Variants in ITFG1 observed in about 807,000 individuals in gnomAD.
The protein encoded by ITFG1 is T-cell immunomodulatory protein.
ITFG1 carries 34 observed loss-of-function variants against 81.8 expected under a neutral mutation model. The observed-to-expected ratio is 0.42, with a 90% confidence interval of 0.32 to 0.55. The LOEUF (loss-of-function observed/expected upper bound fraction) is 0.55, where lower values mean the gene tolerates loss of function less well. ITFG1 is among the 20% of genes least tolerant of loss of function. The pLI is 0.17. For missense variants in ITFG1, 672 were observed against 755.4 expected (o/e 0.89, Z 1.29); for synonymous variants, 285 against 270.6 (o/e 1.05, Z -0.52).
At chr16:47,184,881 C>A (rs971218602) in intron 14 of ITFG1, among the ~76,000 whole-genome samples, 6 of 151,978 alleles carry the variant, frequency 3.9e-5, no homozygotes, top group African/African-American at 1.5e-4. Flanking sequence ...ATTCAGAAAA[C>A]CCATCTCACG....
At chr16:47,319,915 C>T (rs1967422823) in intron 8 of ITFG1, among the ~76,000 whole-genome samples, 4 of 152,148 alleles carry the variant, frequency 2.6e-5, no homozygotes, top group Admixed American at 1.3e-4. Context: ...CTCCAGAGGC[C>T]CAAATATATA....
At chr16:47,367,715 T>C (rs1968195314) in intron 7 of ITFG1, among the ~76,000 whole-genome samples, 1 of 152,222 alleles carries the variant, frequency 6.6e-6, no homozygotes, top group African/African-American at 2.4e-5. Flanking sequence ...ACAAGCAATG[T>C]TCCAACCACT....
intron 14 of ITFG1, among the ~76,000 whole-genome samples, chr16:47,183,212 C>A: frequency 6.6e-6 from 1 of 152,196 alleles, no homozygotes; most frequent in East Asian, 1.9e-4. Context: ...GAGGGGTGCC[C>A]ACCATTGCCC....
Position 47,349,375 on chromosome 16 carries a change from C to A in ITFG1, c.802+16413G>T, listed in dbSNP as rs9941104. Among the ~76,000 whole-genome samples the A allele has an allele frequency of 4.3e-3, 656 of 152,072 alleles. 6 individuals are homozygous for A. The highest frequency in any genetic ancestry group is 0.015 in the African/African-American group (616 of 41,502). On this transcript the variant is annotated intron_variant, in intron 8 of 17. Transcript: ENST00000320640. ...AAGGGATGGAGGAAGATCTACCAAG[C>A]AAATGGAAAACAAAAAAAGGCAGGG...
intron 13 of ITFG1, among the ~76,000 whole-genome samples, chr16:47,224,150 A>G (rs573590362): frequency 6.6e-6 from 1 of 152,186 alleles, no homozygotes; most frequent in Non-Finnish European, 1.5e-5. Flanking sequence ...CCAGCATGGC[A>G]CATGTATACA....
intron 8 of ITFG1, among the ~76,000 whole-genome samples, chr16:47,321,775 T>C (rs1161939054): frequency 6.6e-6 from 1 of 152,184 alleles, no homozygotes; most frequent in African/African-American, 2.4e-5. Context: ...CTAGATACTT[T>C]TAGAAAATAA....
chr16:47,266,110 A>G (rs1219527557), intron 10 of ITFG1, among the ~76,000 whole-genome samples: 1 of 152,242 alleles, frequency 6.6e-6, no homozygotes, highest in Non-Finnish European at 1.5e-5. Context: ...AACAGCCAAT[A>G]TGCACATGAA....
In ITFG1 at chr16:47,206,843, C is replaced by G. The variant is rs185876968; in HGVS notation, c.1453+12025G>C. On this transcript the variant is annotated intron_variant, in intron 14 of 17. Coordinates refer to ENST00000320640, the MANE Select transcript of ITFG1 (RefSeq NM_030790.5). ...CTGGCATCTTGTGCCTGAATGCTTC[C>G]TATACTTCACCTGACTGACATCCCA... Among the ~76,000 whole-genome samples, 12 of 152,304 alleles carry G rather than the reference C, an allele frequency of 7.9e-5. No individual in the cohort carries two copies. The East Asian group carries it at 2.3e-3, about 29-fold the overall frequency.
intron 14 of ITFG1, among the ~76,000 whole-genome samples, chr16:47,190,088 A>T (rs900508371): frequency 6.6e-6 from 1 of 152,180 alleles, no homozygotes; most frequent in African/African-American, 2.4e-5. Flanking sequence ...TGTTGTAAAA[A>T]TGAGCTAAAT....
At chr16:47,239,672 T>C (rs1965912334) in intron 12 of ITFG1, among the ~76,000 whole-genome samples, 1 of 152,214 alleles carries the variant, frequency 6.6e-6, no homozygotes, top group Non-Finnish European at 1.5e-5. Context: ...ATAAATATTT[T>C]ACACTTGCAA....
Position 47,216,200 on chromosome 16 carries a change from C to A in ITFG1, c.1453+2668G>T, listed in dbSNP as rs1349452295. On this transcript the variant is annotated intron_variant, in intron 14 of 17. Coordinates refer to ENST00000320640, the MANE Select transcript of ITFG1 (RefSeq NM_030790.5). ...AAATTTTGTTGACTGAATCAAGAAT[C>A]CCATTTTTTTTTTTTCTGAGACGGA... is the stretch of plus-strand genomic sequence containing the variant. 3.9e-5 allele frequency among the ~76,000 whole-genome samples: 6 copies of A among 152,014 alleles called. No homozygotes were observed. In the East Asian group the frequency reaches 1.2e-3, roughly 29 times the overall value.
intron 8 of ITFG1, among the ~76,000 whole-genome samples, chr16:47,356,651 A>C (rs546460598): frequency 6.6e-6 from 1 of 152,326 alleles, no homozygotes; most frequent in East Asian, 1.9e-4. Flanking sequence ...CAACCCATCA[A>C]TTCATTATTC....
intron 10 of ITFG1, among the ~76,000 whole-genome samples, chr16:47,272,996 G>A (rs1966359260): frequency 1.3e-5 from 2 of 149,832 alleles, no homozygotes; most frequent in Middle Eastern, 3.4e-3. Context: ...CACTTGATGA[G>A]GTCTGGGTTA....
intron 9 of ITFG1, chr16:47,312,408 AT>A (rs1222396551): frequency 6.6e-6 from 1 of 152,180 alleles, no homozygotes; most frequent in Non-Finnish European, 1.5e-5. Flanking sequence ...AAAGGGGTTA[AT>A]AAACAGGGTA....
intron 2 of ITFG1, among the ~76,000 whole-genome samples, chr16:47,458,117 A>T (rs1969476407): frequency 6.6e-6 from 1 of 152,244 alleles, no homozygotes; most frequent in Non-Finnish European, 1.5e-5. Flanking sequence ...AAATCAATTT[A>T]AAATACTGTT....
chr16:47,236,474 CA>C (rs68028486), intron 13 of ITFG1, among the ~76,000 whole-genome samples: 9,034 of 52,386 alleles, frequency 0.17, 261 homozygotes, highest in African/African-American at 0.3. Flanking sequence ...GACTCCATCT[CA>C]AAAAAAAAAA....
At chr16:47,322,383 G>A (rs1357631816) in intron 8 of ITFG1, among the ~76,000 whole-genome samples, 1 of 151,968 alleles carries the variant, frequency 6.6e-6, no homozygotes, top group Non-Finnish European at 1.5e-5. Context: ...GATCTACAAC[G>A]TGATGTTTTG....
intron 8 of ITFG1, among the ~76,000 whole-genome samples, chr16:47,340,120 G>A (rs1448795703): frequency 1.3e-5 from 2 of 151,792 alleles, no homozygotes; most frequent in Non-Finnish European, 2.9e-5. Context: ...TTTCCTTCAA[G>A]AACAAAGAAG....
At chr16:47,288,568 TAA>T (rs1238618041) in intron 10 of ITFG1, among the ~76,000 whole-genome samples, 2 of 152,176 alleles carry the variant, frequency 1.3e-5, no homozygotes, top group Admixed American at 1.3e-4. Context: ...CATCAATGTA[TAA>T]GAGTTTCCCA....
Sources: allele counts gnomAD v4.1 joint callset (sites outside exome capture counted in the v4.1 genomes callset), GRCh38; gene constraint gnomAD v4.1.1; transcripts MANE v1.5; gene names NCBI Gene and HGNC (gene_info 2026-07-23, HGNC 2026-07-21).